The following CFAP77 variants were observed in gnomAD, a reference collection of about 807,000 sequenced individuals.
The protein encoded by CFAP77 is cilia- and flagella-associated protein 77.
In CFAP77, 25 loss-of-function variants were observed where a neutral mutation model predicts 31.1. The ratio of observed to expected loss-of-function variants is 0.80; its 90% CI spans 0.59 to 1.12. The LOEUF is 1.12. Ranked by LOEUF, CFAP77 falls within the 50% of genes most tolerant of loss-of-function variation. CFAP77 has a pLI of 0.00. For missense variants in CFAP77, 377 were observed against 397.3 expected (o/e 0.95, Z 0.44); for synonymous variants, 151 against 159.9 (o/e 0.94, Z 0.42).
chr9:132,499,113 T>C lies in CFAP77; in HGVS notation c.296-259T>C, dbSNP rs1285206787. Among the ~76,000 whole-genome samples, 2 of 152,184 alleles carry C rather than the reference T, an allele frequency of 1.3e-5. No individual in the cohort carries two copies. The highest frequency in any genetic ancestry group is 4.1e-4 in the South Asian group (2 of 4,830). On this transcript the variant is annotated intron_variant, in intron 2 of 5. Coordinates refer to ENST00000393216, the MANE Select transcript of CFAP77 (RefSeq NM_001282957.2). This position sits in a 1 kb window ranked among gnomAD's most constrained non-coding sequence, Gnocchi z 5.4. Reference sequence around the variant, plus strand: ...TGGAATGAGACTGGGACCAACCCTCTGCCTGCCCAGAGGAAGTCAAGGGCC... The same window carrying C: ...TGGAATGAGACTGGGACCAACCCTCCGCCTGCCCAGAGGAAGTCAAGGGCC...
At position 132,482,448 on chromosome 9, in the gene CFAP77, C is replaced by A. The variant is rs763899735; in HGVS notation, c.196-16247C>A. 16 of 1,577,128 alleles carry A rather than the reference C, an allele frequency of 1.0e-5. No homozygotes were observed. In the South Asian group the frequency reaches 1.4e-4, roughly 14 times the overall value. ...TCTTCCTTCTGCTAAAATAATGTCA[C>A]CCTGGAGAAAAAGGGGAAAAGAGGG... On this transcript the variant is annotated intron_variant, in intron 1 of 5. Coordinates refer to ENST00000393216, the MANE Select transcript of CFAP77 (RefSeq NM_001282957.2).
In CFAP77 at chr9:132,464,216, G is replaced by GT. The variant is rs1423559651; in HGVS notation, c.196-34478dup. ...GCACATCTTCCCATCAGTAATGAGT[G>GT]TATTGACAGCCCTGATAACTGAGTA... On this transcript the variant is annotated intron_variant, in intron 1 of 5. Transcript: ENST00000393216. Among the ~76,000 whole-genome samples, 4 of 152,312 alleles carry GT rather than the reference G, an allele frequency of 2.6e-5. No homozygotes were observed. The East Asian group carries it at 7.7e-4, about 29-fold the overall frequency.
chr9:132,502,791 C>G (rs1851873695), intron 3 of CFAP77, among the ~76,000 whole-genome samples: 1 of 152,186 alleles, frequency 6.6e-6, no homozygotes. Context: ...CTGTTCCAGT[C>G]TTGCTTTCAG....
At chr9:132,491,435 C>A (rs1419376114) in intron 1 of CFAP77, among the ~76,000 whole-genome samples, 3 of 152,188 alleles carry the variant, frequency 2.0e-5, no homozygotes, top group Non-Finnish European at 4.4e-5. Flanking sequence ...CCATTGCACT[C>A]CAGCCTGGGC....
chr9:132,416,315 G>A (rs1223478172), intron 1 of CFAP77, among the ~76,000 whole-genome samples: 2 of 144,690 alleles, frequency 1.4e-5, no homozygotes, highest in Non-Finnish European at 3.0e-5. Flanking sequence ...TAACTGTTGA[G>A]TGCTTCTTAT....
At chr9:132,485,146 T>C (rs768200269) in intron 1 of CFAP77, among the ~76,000 whole-genome samples, 5 of 152,228 alleles carry the variant, frequency 3.3e-5, no homozygotes, top group Non-Finnish European at 5.9e-5. Flanking sequence ...ATTGTATAAC[T>C]AGTTCTCTAT....
intron 5 of CFAP77, among the ~76,000 whole-genome samples, chr9:132,559,346 C>CAAAAA (rs35737685): frequency 0.059 from 3,309 of 56,020 alleles, 321 homozygotes; most frequent in African/African-American, 0.19. Context: ...CTCTGTCTTG[C>CAAAAA]AAAAAAAAAA....
intron 3 of CFAP77, among the ~76,000 whole-genome samples, chr9:132,519,696 A>G (rs1166902953): frequency 4.9e-4 from 17 of 34,722 alleles, no homozygotes; most frequent in Admixed American, 8.1e-4. Context: ...GGGTGGGTGG[A>G]TGGGTGGGTG....
In CFAP77 at chr9:132,490,860, G is replaced by A. The variant is rs1009118683; in HGVS notation, c.196-7835G>A. Among the ~76,000 whole-genome samples the A allele has an allele frequency of 1.3e-5, 2 of 152,160 alleles. No homozygotes were observed. Among genetic ancestry groups the A allele is most frequent in the Non-Finnish European group, 2.9e-5 (2 of 68,028 alleles). ...TGAGAAAAGAAATCAATGTCCGGCC[G>A]GGGCCACTGTCTGCATGGCGTCTGC... On this transcript the variant is annotated intron_variant, in intron 1 of 5. Transcript: ENST00000393216. This position sits in a 1 kb window ranked among gnomAD's most constrained non-coding sequence, Gnocchi z 4.6.
rs757838989 is a variant in CFAP77, at chr9:132,499,367, C to A, written c.296-5C>A. The A allele has an allele frequency of 1.2e-6, 2 of 1,613,622 alleles. No homozygotes were observed. The highest frequency in any genetic ancestry group is 2.2e-5 in the East Asian group (1 of 44,890). On this transcript the variant is annotated splice_region_variant and splice_polypyrimidine_tract_variant and intron_variant, in intron 2 of 5. Coordinates refer to ENST00000393216, the MANE Select transcript of CFAP77 (RefSeq NM_001282957.2). The surrounding 1 kb of genome is among the most constrained non-coding windows in gnomAD (Gnocchi z 5.4). The stretch of plus-strand genomic sequence containing the variant: ...ACTGCCCCGTGGGTCTCTCCCTGCC[C>A]TCAGCCATCGGACGCTGGAACGTGT...
At chr9:132,472,617 G>A (rs913665354) in intron 1 of CFAP77, among the ~76,000 whole-genome samples, 4 of 152,256 alleles carry the variant, frequency 2.6e-5, no homozygotes, top group East Asian at 3.9e-4. Context: ...AAAATTAGCT[G>A]GGCGTGGTGC....
chr9:132,557,393 AC>A (rs1318174826), intron 5 of CFAP77, among the ~76,000 whole-genome samples: 3 of 152,164 alleles, frequency 2.0e-5, no homozygotes, highest in Non-Finnish European at 4.4e-5. Context: ...CCCAGTGCGC[AC>A]CGAAGTCGGT....
intron 1 of CFAP77, among the ~76,000 whole-genome samples, chr9:132,493,738 C>A (rs1405981106): frequency 6.6e-6 from 1 of 152,264 alleles, no homozygotes; most frequent in Non-Finnish European, 1.5e-5. Flanking sequence ...GAGGAGCGCA[C>A]CCCTTGTGTG....
intron 5 of CFAP77, among the ~76,000 whole-genome samples, chr9:132,563,647 G>A (rs569784101): frequency 6.5e-4 from 99 of 152,330 alleles, no homozygotes; most frequent in African/African-American, 2.3e-3. Flanking sequence ...GTATGTAAAC[G>A]TGGACTCGTT....
At chr9:132,496,804 C>T (rs935049504) in intron 1 of CFAP77, among the ~76,000 whole-genome samples, 4 of 152,212 alleles carry the variant, frequency 2.6e-5, no homozygotes, top group African/African-American at 9.6e-5. Flanking sequence ...ATTTATTGTG[C>T]ACCTGCTGTG....
chr9:132,501,256 C>G lies in CFAP77; in HGVS notation c.524+1656C>G, dbSNP rs552131461. On this transcript the variant is annotated intron_variant, in intron 3 of 5. Coordinates refer to ENST00000393216, the MANE Select transcript of CFAP77 (RefSeq NM_001282957.2). This position sits in a 1 kb window ranked among gnomAD's most constrained non-coding sequence, Gnocchi z 4.6. ...TGTGCTTCCTGATTTTGGCTCCATTCTCTGAGAAGCTTCTTCCTCACCTGC... is the reference window on the plus strand; with the variant it reads ...TGTGCTTCCTGATTTTGGCTCCATTGTCTGAGAAGCTTCTTCCTCACCTGC... 2.0e-5 allele frequency among the ~76,000 whole-genome samples: 3 copies of G among 152,200 alleles called. No individual in the cohort carries two copies. The highest frequency in any genetic ancestry group is 4.4e-5 in the Non-Finnish European group (3 of 68,034).
chr9:132,560,072 G>A (rs746179551), intron 5 of CFAP77, among the ~76,000 whole-genome samples: 1 of 152,220 alleles, frequency 6.6e-6, no homozygotes, highest in African/African-American at 2.4e-5. Flanking sequence ...TCTTTTGGGG[G>A]TGATGAAATG....
chr9:132,447,002 G>C (rs570018195), intron 1 of CFAP77, among the ~76,000 whole-genome samples: 2 of 152,030 alleles, frequency 1.3e-5, no homozygotes, highest in African/African-American at 2.4e-5. Flanking sequence ...TGCTTCTCCC[G>C]CTTCGGCCTC....
At chr9:132,489,948 T>C (rs539421457) in intron 1 of CFAP77, among the ~76,000 whole-genome samples, 1 of 152,084 alleles carries the variant, frequency 6.6e-6, no homozygotes, top group Non-Finnish European at 1.5e-5. Context: ...ATACCTGAGA[T>C]GGGGCAATAT....
Sources: gnomAD v4.1 joint callset for allele counts (sites outside exome capture counted in the v4.1 genomes callset) on GRCh38, gnomAD v4.1.1 for gene constraint, Gnocchi (gnomAD v3.1) non-coding constraint, MANE v1.5 for transcripts, NCBI Gene and HGNC (gene_info 2026-07-23, HGNC 2026-07-21) for gene names.